The following SETDB2 variants were observed in gnomAD, a reference collection of about 807,000 sequenced individuals.
SETDB2 encodes histone-lysine N-methyltransferase SETDB2.
SETDB2 carries 56 observed loss-of-function variants against 82.5 expected under a neutral mutation model. That is an observed-to-expected ratio of 0.68 (90% CI 0.55 to 0.85). The LOEUF is 0.85. SETDB2 is among the 40% of genes least tolerant of loss of function. SETDB2 has a pLI of 0.00. For synonymous variants in SETDB2, 272 were observed against 284.9 expected (o/e 0.95, Z 0.46); for missense variants, 677 against 816.4 (o/e 0.83, Z 2.08).
chr13:49,461,908 G>C (rs1958001183), intron 4 of SETDB2, among the ~76,000 whole-genome samples: 1 of 152,044 alleles, frequency 6.6e-6, no homozygotes. Context: ...TTGCTATAAT[G>C]GCTTATAGAA....
At chr13:49,453,670 ACTTCC>A (rs1329895293) in intron 2 of SETDB2, among the ~76,000 whole-genome samples, 1 of 151,926 alleles carries the variant, frequency 6.6e-6, no homozygotes, top group Admixed American at 6.6e-5. Context: ...GTTTTATAGC[ACTTCC>A]CTTTTGGCAC....
intron 1 of SETDB2, among the ~76,000 whole-genome samples, chr13:49,450,603 A>G (rs1374495882): frequency 6.6e-6 from 1 of 152,014 alleles, no homozygotes; most frequent in Admixed American, 6.5e-5. Context: ...CATCATCTCT[A>G]TAGCTTCCCA....
chr13:49,464,611 A>T (rs909967334), intron 4 of SETDB2, among the ~76,000 whole-genome samples: 1 of 152,320 alleles, frequency 6.6e-6, no homozygotes, highest in African/African-American at 2.4e-5. Flanking sequence ...TTATAATTTC[A>T]TATTTTTATG....
intron 10 of SETDB2, among the ~76,000 whole-genome samples, chr13:49,484,801 G>A (rs1266630950): frequency 1.3e-5 from 2 of 152,158 alleles, no homozygotes; most frequent in African/African-American, 4.8e-5. Flanking sequence ...TAGGTGTTAT[G>A]CAAATATTTG....
At chr13:49,479,451 C>T (rs1002422418) in intron 6 of SETDB2, among the ~76,000 whole-genome samples, 1 of 152,128 alleles carries the variant, frequency 6.6e-6, no homozygotes, top group Admixed American at 6.5e-5. Flanking sequence ...TGATTGTTGT[C>T]GTTGTTCTTT....
chr13:49,450,258 C>T (rs542804839), intron 1 of SETDB2, among the ~76,000 whole-genome samples: 2 of 152,050 alleles, frequency 1.3e-5, no homozygotes, highest in Non-Finnish European at 2.9e-5. Flanking sequence ...TGCCTCCTCT[C>T]CATTTTCTCA....
chr13:49,483,832 C>A (rs181148299), intron 10 of SETDB2, among the ~76,000 whole-genome samples: 2 of 151,974 alleles, frequency 1.3e-5, no homozygotes, highest in African/African-American at 4.8e-5. Flanking sequence ...ATTGCCCAGG[C>A]TGGTCTCCAA....
Position 49,482,937 on chromosome 13 carries a change from A to G in SETDB2, c.1357A>G (p.Ser453Gly). 6.2e-7 allele frequency: 1 copy of G among 1,612,164 alleles called. No individual in the cohort carries two copies. Among genetic ancestry groups the G allele is most frequent in the Non-Finnish European group, 8.5e-7 (1 of 1,179,000 alleles). Residue 453 changes from serine to glycine, a missense_variant, in exon 9 of 14, where the codon AGT becomes GGT. Coordinates refer to ENST00000611815, the MANE Select transcript of SETDB2 (RefSeq NM_001160308.3). ...AACTGAGAAATGTCCACCAAAGTTC[A>G]GTAATAATCCCAAGGAGCTTACTGT... ...AKTEKCPPKFSNNPKELTVET... is the reference protein window; with the variant it reads ...AKTEKCPPKFGNNPKELTVET...
chr13:49,459,962 TA>T, intron 2 of SETDB2, 144 bp from the exon 3 acceptor site: 1 of 687,210 alleles, frequency 1.5e-6, no homozygotes, highest in Non-Finnish European at 2.3e-6. Flanking sequence ...GAAACATTAC[TA>T]AAATATTTTC....
Position 49,480,313 on chromosome 13 carries a change from C to A in SETDB2, c.964C>A (p.Leu322Ile). 1 of 1,602,598 alleles carries A rather than the reference C, an allele frequency of 6.2e-7. No homozygotes were observed. The highest frequency in any genetic ancestry group is 1.1e-5 in the South Asian group (1 of 88,940). ...AACCACTGGATATAAATATAAAAGA[C>A]TACAGAGACAGATTCCTACTGGGTA... ...KITTGYKYKR[L>I]QRQIPTGIYE... The change falls in exon 7 of 14, where the codon CTA becomes ATA. Residue 322 changes from leucine (L) to isoleucine (I), a missense_variant. Transcript: ENST00000611815.
chr13:49,478,236 A>T (rs1215293159), intron 6 of SETDB2, among the ~76,000 whole-genome samples: 2 of 152,178 alleles, frequency 1.3e-5, no homozygotes, highest in African/African-American at 4.8e-5. Flanking sequence ...CTGTTTAAAA[A>T]TATGTATTTT....
chr13:49,482,447 A>T (rs1958498593), intron 8 of SETDB2: 1 of 422,846 alleles, frequency 2.4e-6, no homozygotes. Flanking sequence ...TTTCTAGAGT[A>T]CTTTCTCATC....
intron 4 of SETDB2, chr13:49,463,914 G>A (rs1475991689): frequency 1.4e-6 from 1 of 690,258 alleles, no homozygotes; most frequent in Non-Finnish European, 2.6e-6. Flanking sequence ...ACTTTTTCTG[G>A]GTCTGGGCTG....
chr13:49,474,966 GT>G (rs1321273700), intron 5 of SETDB2, among the ~76,000 whole-genome samples: 1 of 152,232 alleles, frequency 6.6e-6, no homozygotes, highest in Non-Finnish European at 1.5e-5. Flanking sequence ...AATGGAGGAA[GT>G]TTTTTTGGAT....
At chr13:49,464,795 C>T (rs2138876619) in intron 4 of SETDB2, among the ~76,000 whole-genome samples, 1 of 152,198 alleles carries the variant, frequency 6.6e-6, no homozygotes, top group South Asian at 2.1e-4. Flanking sequence ...AATACAGTGG[C>T]TCAGGCCTGT....
At chr13:49,460,071 A>G (rs768557347) in intron 2 of SETDB2, 36 bp from the exon 3 acceptor site, 20 of 1,583,802 alleles carry the variant, frequency 1.3e-5, no homozygotes, top group Middle Eastern at 3.4e-4. Context: ...GTATTTTTCT[A>G]TTAGCTCTTA....
At position 49,460,084 on chromosome 13, in the gene SETDB2, C is replaced by G. The variant is rs558350020; in HGVS notation, c.17-23C>G. The G allele has an allele frequency of 1.7e-4, 272 of 1,603,808 alleles. 5 individuals are homozygous for G. The South Asian group carries it at 2.7e-3, about 16-fold the overall frequency. On this transcript the variant is annotated intron_variant, in intron 2 of 13. Coordinates refer to ENST00000611815, the MANE Select transcript of SETDB2 (RefSeq NM_001160308.3). ...TAGTATTTTTCTATTAGCTCTTAGG[C>G]TAGTCACTTATTTTTATTTTAGGCG... is the stretch of plus-strand genomic sequence containing the variant.
In SETDB2 at chr13:49,480,279, T is replaced by C. The variant is rs775587905; in HGVS notation, c.930T>C (p.Ser310=). The part of the protein sequence containing the change: ...ARNAKTSPLS[S]DKITTGYKYK... ...ATGCCAAAACTTCCCCCTTGTCAAG[T>C]GACAAAATAACCACTGGATATAAAT... The change falls in exon 7 of 14, where the codon AGT becomes AGC. Residue 310 remains serine (S), a synonymous_variant. Transcript: ENST00000611815. 6.2e-7 allele frequency: 1 copy of C among 1,611,926 alleles called. No individual in the cohort carries two copies. Among genetic ancestry groups the C allele is most frequent in the South Asian group, 1.1e-5 (1 of 90,708 alleles).
intron 13 of SETDB2, 36 bp downstream of exon 13, chr13:49,490,946 T>A: frequency 6.5e-7 from 1 of 1,545,182 alleles, no homozygotes; most frequent in Non-Finnish European, 8.9e-7. Context: ...ATTCTGAAAT[T>A]GTGACTTTAA....
Sources: gnomAD v4.1 joint callset for allele counts (sites outside exome capture counted in the v4.1 genomes callset) on GRCh38, gnomAD v4.1.1 for gene constraint, MANE v1.5 for transcripts, NCBI Gene and HGNC (gene_info 2026-07-23, HGNC 2026-07-21) for gene names.